NDST3: variants seen among roughly 807,000 people sequenced by gnomAD.
NDST3 encodes the protein bifunctional heparan sulfate N-deacetylase/N-sulfotransferase 3.
Under a neutral mutation model 96.1 loss-of-function variants are expected in NDST3, and 58 were observed. That is an observed-to-expected ratio of 0.60 (90% CI 0.49 to 0.75). NDST3 has a LOEUF of 0.75. NDST3 is among the 30% of genes least tolerant of loss of function. The pLI is 0.00. For synonymous variants in NDST3, 333 were observed against 359.7 expected (o/e 0.93, Z 0.84); for missense variants, 788 against 1,034.2 (o/e 0.76, Z 3.27).
At chr4:118,059,100 C>G (rs1725689737) in intron 2 of NDST3, among the ~76,000 whole-genome samples, 3 of 152,084 alleles carry the variant, frequency 2.0e-5, no homozygotes, top group Admixed American at 2.0e-4. Flanking sequence ...TCTTTGATTT[C>G]TGTAATAGGT....
At chr4:118,123,284 A>G (rs995034609) in intron 4 of NDST3, among the ~76,000 whole-genome samples, 1 of 152,162 alleles carries the variant, frequency 6.6e-6, no homozygotes, top group African/African-American at 2.4e-5. Context: ...AACTTCACTT[A>G]AAATTAGTAC....
intron 5 of NDST3, among the ~76,000 whole-genome samples, chr4:118,143,285 A>G (rs2125905722): frequency 6.6e-6 from 1 of 152,244 alleles, no homozygotes; most frequent in East Asian, 1.9e-4. Flanking sequence ...GCTTCATAAA[A>G]GAAGTACTCA....
At chr4:118,041,728 C>G (rs1432805046) in intron 1 of NDST3, among the ~76,000 whole-genome samples, 2 of 152,152 alleles carry the variant, frequency 1.3e-5, no homozygotes, top group Non-Finnish European at 2.9e-5. Context: ...TATTTTTGTG[C>G]AAGCATTTCA....
chr4:118,252,023 T>A (rs1741778291), intron 12 of NDST3, among the ~76,000 whole-genome samples: 1 of 152,174 alleles, frequency 6.6e-6, no homozygotes, highest in African/African-American at 2.4e-5. Context: ...ACCCTAGATA[T>A]TTCAGGTTTT....
At chr4:118,250,228 C>G (rs976860380) in intron 12 of NDST3, among the ~76,000 whole-genome samples, 1 of 152,092 alleles carries the variant, frequency 6.6e-6, no homozygotes, top group East Asian at 1.9e-4. Context: ...GTTGGTGGGT[C>G]ATATAGTAGT....
chr4:118,120,899 C>T (rs1175477926), intron 4 of NDST3, among the ~76,000 whole-genome samples: 1 of 152,144 alleles, frequency 6.6e-6, no homozygotes, highest in Non-Finnish European at 1.5e-5. Flanking sequence ...GTGCACTTTA[C>T]TTCTATTAAT....
At chr4:118,188,061 C>A (rs1271819372) in intron 6 of NDST3, among the ~76,000 whole-genome samples, 1 of 152,046 alleles carries the variant, frequency 6.6e-6, no homozygotes, top group Non-Finnish European at 1.5e-5. Flanking sequence ...ACAACATCAG[C>A]CCTCTTGCCT....
chr4:118,113,380 T>C (rs1730801668), intron 3 of NDST3, among the ~76,000 whole-genome samples: 1 of 152,254 alleles, frequency 6.6e-6, no homozygotes, highest in South Asian at 2.1e-4. Context: ...AGTTCCTTCA[T>C]ATCAGTAGAG....
chr4:118,148,763 C>A (rs1734148061), intron 6 of NDST3, among the ~76,000 whole-genome samples: 1 of 152,088 alleles, frequency 6.6e-6, no homozygotes, highest in African/African-American at 2.4e-5. Context: ...AATACATTGA[C>A]CTAATGGGAA....
At chr4:118,255,275 C>G (rs1742043540) in intron 13 of NDST3, among the ~76,000 whole-genome samples, 1 of 152,038 alleles carries the variant, frequency 6.6e-6, no homozygotes, top group Non-Finnish European at 1.5e-5. Flanking sequence ...AAGGGAGTGG[C>G]TGATTTTGTG....
intron 6 of NDST3, among the ~76,000 whole-genome samples, chr4:118,216,386 A>G (rs1739196702): frequency 6.6e-6 from 1 of 152,174 alleles, no homozygotes; most frequent in African/African-American, 2.4e-5. Context: ...ATCAACAATA[A>G]TAAATAGCTC....
chr4:118,199,309 C>G (rs1292197224), intron 6 of NDST3, among the ~76,000 whole-genome samples: 2 of 152,054 alleles, frequency 1.3e-5, no homozygotes, highest in African/African-American at 2.4e-5. Context: ...CTTGCTGATT[C>G]TTTTTTCTGC....
At chr4:118,235,057 G>GAAGGAAAGAAGGAAGT (rs1740549541) in intron 9 of NDST3, among the ~76,000 whole-genome samples, 1 of 78,446 alleles carries the variant, frequency 1.3e-5, no homozygotes, top group Non-Finnish European at 4.0e-5. Context: ...AGGAAGGAAG[G>GAAGGAAAGAAGGAAGT]AAGGAAGGAC....
intron 13 of NDST3, among the ~76,000 whole-genome samples, 183 bp downstream of exon 13, chr4:118,253,784 A>G (rs1387058296): frequency 6.6e-6 from 1 of 152,232 alleles, no homozygotes; most frequent in East Asian, 1.9e-4. Flanking sequence ...ATTACCTGTC[A>G]TGCAAGAATA....
intron 2 of NDST3, among the ~76,000 whole-genome samples, chr4:118,074,730 C>G (rs1298739096): frequency 2.6e-5 from 4 of 151,922 alleles, no homozygotes. Context: ...GGAATTTAGC[C>G]CATTTATATT....
At chr4:118,058,683 A>T (rs1296485659) in intron 2 of NDST3, among the ~76,000 whole-genome samples, 3 of 150,518 alleles carry the variant, frequency 2.0e-5, no homozygotes, top group Admixed American at 6.6e-5. Context: ...GGACTATTGG[A>T]TGAGTTTTAG....
intron 12 of NDST3, among the ~76,000 whole-genome samples, chr4:118,247,600 G>T (rs980884324): frequency 6.6e-6 from 1 of 152,056 alleles, no homozygotes; most frequent in Non-Finnish European, 1.5e-5. Context: ...TGGAACTAGG[G>T]ATGACAGCAG....
At chr4:118,248,642 T>C (rs1217152297) in intron 12 of NDST3, among the ~76,000 whole-genome samples, 1 of 152,224 alleles carries the variant, frequency 6.6e-6, no homozygotes, top group Non-Finnish European at 1.5e-5. Flanking sequence ...CTCCAAAATG[T>C]TCACTGCCTG....
chr4:118,161,201 G>A (rs1029930547), intron 6 of NDST3, among the ~76,000 whole-genome samples: 2 of 152,182 alleles, frequency 1.3e-5, no homozygotes, highest in African/African-American at 2.4e-5. Flanking sequence ...CGTGAACTGC[G>A]AATGCTGCTG....
Sources: gnomAD v4.1 joint callset for allele counts (sites outside exome capture counted in the v4.1 genomes callset) on GRCh38, gnomAD v4.1.1 for gene constraint, MANE v1.5 for transcripts, NCBI Gene and HGNC (gene_info 2026-07-23, HGNC 2026-07-21) for gene names.